The following ADAMTSL1 variants were observed in gnomAD, a reference collection of about 807,000 sequenced individuals.
The protein encoded by ADAMTSL1 is ADAMTS like 1, also known as ADAMTS-like protein 1.
Under a neutral mutation model 201.8 loss-of-function variants are expected in ADAMTSL1, and 126 were observed. The observed-to-expected ratio is 0.62, with a 90% CI of 0.54 to 0.72. ADAMTSL1 has a LOEUF of 0.72. Among genes scored for constraint, ADAMTSL1 ranks in the 30% least tolerant of loss-of-function variants. The probability of loss-of-function intolerance (pLI) is 0.00; values close to 1 mark genes in which losing one functional copy is unlikely to be tolerated. For missense variants in ADAMTSL1, 2,679 were observed against 2,277.8 expected (o/e 1.18, Z -3.59); for synonymous variants, 1,121 against 903.4 (o/e 1.24, Z -4.32).
chr9:18,760,998 G>A (rs1211300575), intron 16 of ADAMTSL1, among the ~76,000 whole-genome samples: 2 of 152,210 alleles, frequency 1.3e-5, no homozygotes, highest in Admixed American at 1.3e-4. Context: ...CTGAGGCTTA[G>A]TAACCATTTT....
intron 23 of ADAMTSL1, among the ~76,000 whole-genome samples, chr9:18,870,574 C>G (rs984804647): frequency 4.6e-5 from 7 of 152,090 alleles, no homozygotes; most frequent in Admixed American, 4.6e-4. Flanking sequence ...TGCTTCTAAA[C>G]TTACATGCTG....
chr9:18,161,662 A>G (rs1827393763), intron 1 of ADAMTSL1, among the ~76,000 whole-genome samples: 1 of 152,068 alleles, frequency 6.6e-6, no homozygotes. Context: ...TAACAAGTCC[A>G]TGAATTTTGA....
intron 2 of ADAMTSL1, among the ~76,000 whole-genome samples, chr9:18,444,945 G>T (rs764953215): frequency 6.6e-6 from 1 of 152,040 alleles, no homozygotes; most frequent in African/African-American, 2.4e-5. Flanking sequence ...TAGGCACTAC[G>T]ATTACCCTCA....
At chr9:18,858,119 A>G (rs1299172293) in intron 23 of ADAMTSL1, among the ~76,000 whole-genome samples, 3 of 152,202 alleles carry the variant, frequency 2.0e-5, no homozygotes, top group Non-Finnish European at 4.4e-5. Flanking sequence ...TCATTTCTAT[A>G]TTAATCTATA....
At chr9:18,632,635 T>A (rs1010811089) in intron 5 of ADAMTSL1, among the ~76,000 whole-genome samples, 6 of 152,168 alleles carry the variant, frequency 3.9e-5, no homozygotes, top group Admixed American at 3.9e-4. Flanking sequence ...TGTCACTGAA[T>A]CCCTAGTACC....
At chr9:18,515,457 C>T (rs775286720) in intron 2 of ADAMTSL1, among the ~76,000 whole-genome samples, 1 of 152,122 alleles carries the variant, frequency 6.6e-6, no homozygotes, top group Non-Finnish European at 1.5e-5. Context: ...ATCTCAGCCT[C>T]CCGAGTAGCT....
intron 1 of ADAMTSL1, among the ~76,000 whole-genome samples, chr9:18,038,981 T>C (rs1432690369): frequency 6.6e-6 from 1 of 152,234 alleles, no homozygotes; most frequent in African/African-American, 2.4e-5. Context: ...AAAACTCATG[T>C]ACTTCTCTTC....
At chr9:18,483,885 T>C (rs536664920) in intron 1 of ADAMTSL1, among the ~76,000 whole-genome samples, 2 of 152,300 alleles carry the variant, frequency 1.3e-5, no homozygotes, top group African/African-American at 4.8e-5. Flanking sequence ...GGCTTATAAA[T>C]ATCAGGGTGA....
intron 2 of ADAMTSL1, among the ~76,000 whole-genome samples, chr9:18,458,077 A>C (rs1440057244): frequency 6.6e-6 from 1 of 152,226 alleles, no homozygotes; most frequent in Non-Finnish European, 1.5e-5. Flanking sequence ...AAATCTTTCC[A>C]TTCATACCCT....
Position 18,777,280 on chromosome 9 carries a change from G to C in ADAMTSL1, c.3051G>C (p.Pro1017=), listed in dbSNP as rs565483090. The change falls in exon 19 of 29, where the codon CCG becomes CCC. Residue 1017 remains proline, a synonymous_variant. Transcript: ENST00000380548. The part of the protein sequence containing the change: ...KAEKRGLAAN[P]GSRYDDLVSR... ...AGAAGCGGGGCCTGGCCGCCAACCC[G>C]GGGAGCCGCTACGACGACCTCGTCT... The C allele has an allele frequency of 3.7e-6, 6 of 1,608,564 alleles. No homozygotes were observed. In the South Asian group the frequency reaches 5.5e-5, roughly 15 times the overall value.
chr9:18,810,116 A>G (rs1437922239), intron 20 of ADAMTSL1, among the ~76,000 whole-genome samples: 1 of 152,202 alleles, frequency 6.6e-6, no homozygotes, highest in Non-Finnish European at 1.5e-5. Flanking sequence ...ATTCAGTATC[A>G]TTCCAACTGC....
chr9:18,831,217 G>T (rs1563838562), intron 23 of ADAMTSL1, among the ~76,000 whole-genome samples: 1 of 152,166 alleles, frequency 6.6e-6, no homozygotes, highest in Non-Finnish European at 1.5e-5. Flanking sequence ...CTATTCTGTT[G>T]CCCATGATTT....
intron 2 of ADAMTSL1, among the ~76,000 whole-genome samples, chr9:18,368,015 T>C (rs921337028): frequency 6.6e-6 from 1 of 152,022 alleles, no homozygotes; most frequent in Non-Finnish European, 1.5e-5. Flanking sequence ...TTCTCCTGCC[T>C]CAGCCCCCTG....
At chr9:18,626,882 C>CTGT (rs1826411872) in intron 5 of ADAMTSL1, among the ~76,000 whole-genome samples, 1 of 125,562 alleles carries the variant, frequency 8.0e-6, no homozygotes. Context: ...TTTCTTCCTT[C>CTGT]CTTCCTTCCT....
chr9:18,669,856 C>T (rs1170913398), intron 9 of ADAMTSL1, among the ~76,000 whole-genome samples: 1 of 152,086 alleles, frequency 6.6e-6, no homozygotes, highest in Admixed American at 6.5e-5. Context: ...GATGGCCAAA[C>T]CTTGATGTAA....
chr9:18,873,981 T>C (rs1828001604), intron 23 of ADAMTSL1, among the ~76,000 whole-genome samples: 1 of 152,150 alleles, frequency 6.6e-6, no homozygotes, highest in African/African-American at 2.4e-5. Flanking sequence ...CAGTGTTTTG[T>C]AGTTTTCCTT....
intron 20 of ADAMTSL1, among the ~76,000 whole-genome samples, chr9:18,805,652 TA>T (rs537086556): frequency 4.3e-4 from 66 of 152,324 alleles, no homozygotes; most frequent in African/African-American, 1.5e-3. Context: ...TCGGGACACC[TA>T]ACCTGTAGAC....
At chr9:18,599,996 CA>C (rs57914274) in intron 4 of ADAMTSL1, among the ~76,000 whole-genome samples, 21,517 of 86,860 alleles carry the variant, frequency 0.25, 1,353 homozygotes, top group Middle Eastern at 0.29. Flanking sequence ...ACTAAAAATA[CA>C]AAAAAAAAAA....
chr9:18,564,090 CT>C (rs1821720945), intron 3 of ADAMTSL1, among the ~76,000 whole-genome samples: 1 of 152,208 alleles, frequency 6.6e-6, no homozygotes, highest in Non-Finnish European at 1.5e-5. Context: ...AGCTTGGTGT[CT>C]GCTTAAACGG....
Sources: gnomAD v4.1 joint callset for allele counts (sites outside exome capture counted in the v4.1 genomes callset) on GRCh38, gnomAD v4.1.1 for gene constraint, MANE v1.5 for transcripts, NCBI Gene and HGNC (gene_info 2026-07-23, HGNC 2026-07-21) for gene names.